Variants in ALDH1A3 observed in about 807,000 individuals in gnomAD.
ALDH1A3 encodes the protein aldehyde dehydrogenase 1 family member A3, also known as retinaldehyde dehydrogenase 3.
Under a neutral mutation model 57.5 loss-of-function variants are expected in ALDH1A3, and 28 were observed. The observed-to-expected ratio is 0.49, with a 90% CI of 0.36 to 0.67. ALDH1A3 has a LOEUF of 0.67. ALDH1A3 is among the 30% of genes least tolerant of loss of function. The pLI is 0.00. For synonymous variants in ALDH1A3, 281 were observed against 264.8 expected, an observed-to-expected ratio of 1.06 and a Z score of -0.59; for missense variants, 507 against 669.4, an observed-to-expected ratio of 0.76 and a Z score of 2.68.
At chr15:100,902,125 C>A (rs934631364) in intron 9 of ALDH1A3, among the ~76,000 whole-genome samples, 2 of 152,236 alleles carry the variant, frequency 1.3e-5, no homozygotes, top group Non-Finnish European at 2.9e-5. Flanking sequence ...AACTGATCCC[C>A]ATACAGAAGA....
intron 1 of ALDH1A3, 86 bp from the exon 2 acceptor site, chr15:100,885,181 A>G: frequency 1.1e-6 from 1 of 932,380 alleles, no homozygotes; most frequent in Non-Finnish European, 1.7e-6. Flanking sequence ...GACAAGATGG[A>G]TAAGACGTCA....
chr15:100,892,971 C>T lies in ALDH1A3; in HGVS notation c.502C>T (p.His168Tyr), dbSNP rs1320921361. The T allele has an allele frequency of 6.2e-7, 1 of 1,614,052 alleles. No individual in the cohort carries two copies. Among genetic ancestry groups the T allele is most frequent in the African/African-American group, 1.3e-5 (1 of 74,938 alleles). The change falls in exon 5 of 13, where the codon CAT becomes TAT. Residue 168 changes from histidine to tyrosine, a missense_variant. Physicochemically the swap from His to Tyr is moderately conservative, Grantham distance 83 (BLOSUM62 2). Transcript: ENST00000329841. ...TGACAACGTCGTGTGCTTCACCAGG[C>T]ATGAGCCCATTGGTGTCTGTGGGGC... is the stretch of plus-strand genomic sequence containing the variant. ...TDDNVVCFTR[H>Y]EPIGVCGAIT... is the part of the protein sequence containing the mutation.
At chr15:100,898,566 C>T (rs2041734849) in intron 8 of ALDH1A3, among the ~76,000 whole-genome samples, 1 of 152,136 alleles carries the variant, frequency 6.6e-6, no homozygotes, top group African/African-American at 2.4e-5. Flanking sequence ...GTGCTGCCCA[C>T]TCCCAGTCAT....
rs539833387 is a variant in ALDH1A3 at position 100,908,273 on chromosome 15, G to A, written c.1392-135G>A. 104 of 695,486 alleles carry A rather than the reference G, an allele frequency of 1.5e-4. 2 individuals carry two copies. In the South Asian group the frequency reaches 1.8e-3, roughly 12 times the overall value. 43.1% of individuals were successfully genotyped at this position (695,486 alleles called of 1,614,324 possible). A position where few individuals can be genotyped will look rare whatever the true frequency, so the allele number is the denominator to read the frequency against. On this transcript the variant is annotated intron_variant, in intron 11 of 12. Transcript: ENST00000329841. ...AGAAGACAAAAGTTGAGAGCACCCT[G>A]TGTTTTCATCAAGGAAGCTTTGGCA...
chr15:100,880,092 G>A (rs2141541878), intron 1 of ALDH1A3, 86 bp downstream of exon 1: 2 of 1,025,222 alleles, frequency 2.0e-6, no homozygotes, highest in African/African-American at 1.7e-5. Flanking sequence ...AGGGAGCAGC[G>A]GGCCGGGGGT....
At chr15:100,904,586 G>T (rs2041803434) in intron 9 of ALDH1A3, among the ~76,000 whole-genome samples, 1 of 152,178 alleles carries the variant, frequency 6.6e-6, no homozygotes, top group Admixed American at 6.5e-5. Flanking sequence ...AGAGGAGGGA[G>T]ACCAGCCACA....
chr15:100,887,839 T>A lies in ALDH1A3; in HGVS notation c.345+127T>A. Reference sequence around the variant, plus strand: ...GTGGTCGTGGGTCTGTTCCATCCTCTGAGACACGGCTCTCTGGCAATACTT... The same window carrying A: ...GTGGTCGTGGGTCTGTTCCATCCTCAGAGACACGGCTCTCTGGCAATACTT... On this transcript the variant is annotated intron_variant, in intron 3 of 12. Coordinates refer to ENST00000329841, the MANE Select transcript of ALDH1A3 (RefSeq NM_000693.4). This position sits in a 1 kb window ranked among gnomAD's most constrained non-coding sequence, Gnocchi z 4.6. 8.6e-7 allele frequency: 1 copy of A among 1,166,700 alleles called. No individual in the cohort carries two copies. Among genetic ancestry groups the A allele is most frequent in the Non-Finnish European group, 1.1e-6 (1 of 873,412 alleles). The allele number at this position is 1,166,700 out of a possible 1,614,324, so 72.3% of individuals were successfully genotyped here.
intron 1 of ALDH1A3, among the ~76,000 whole-genome samples, chr15:100,882,930 G>A (rs1340853536): frequency 6.6e-6 from 1 of 152,126 alleles, no homozygotes; most frequent in Non-Finnish European, 1.5e-5. Context: ...GTGGTATAAA[G>A]TAAAAGATTT....
rs746599799 is a variant in ALDH1A3, at chr15:100,880,054, G to A, written c.99+48G>A. On this transcript the variant is annotated intron_variant, in intron 1 of 12. Transcript: ENST00000329841. ...CCGACGGCCGCGGGCCCCTGCGCTGGGCAGCCAGACTCGGGGCGGCGGGGG... is the reference window on the plus strand; with the variant it reads ...CCGACGGCCGCGGGCCCCTGCGCTGAGCAGCCAGACTCGGGGCGGCGGGGG... The A allele has an allele frequency of 6.7e-6, 9 of 1,340,172 alleles. No homozygotes were observed. In the East Asian group the frequency reaches 2.2e-4, roughly 33 times the overall value. The allele number at this position is 1,340,172 out of a possible 1,614,324, so 83.0% of individuals were successfully genotyped here.
chr15:100,887,118 G>A lies in ALDH1A3; in HGVS notation c.205-454G>A, dbSNP rs1009406181. 2.6e-5 allele frequency among the ~76,000 whole-genome samples: 4 copies of A among 152,212 alleles called. No homozygotes were observed. Among genetic ancestry groups the A allele is most frequent in the African/African-American group, 9.6e-5 (4 of 41,456 alleles). ...TATTTGGCCACTGTAGAAATATTAAGATGTAAAGAAGAAAAAAAATCACTT... is the reference window on the plus strand; with the variant it reads ...TATTTGGCCACTGTAGAAATATTAAAATGTAAAGAAGAAAAAAAATCACTT... On this transcript the variant is annotated intron_variant, in intron 2 of 12. Transcript: ENST00000329841. This position sits in a 1 kb window ranked among gnomAD's most constrained non-coding sequence, Gnocchi z 4.6.
chr15:100,899,116 C>A (rs971694253), intron 8 of ALDH1A3, among the ~76,000 whole-genome samples: 1 of 152,146 alleles, frequency 6.6e-6, no homozygotes, highest in Non-Finnish European at 1.5e-5. Flanking sequence ...TGGCAGCTGG[C>A]TTTCACAATG....
intron 11 of ALDH1A3, among the ~76,000 whole-genome samples, chr15:100,907,721 G>T (rs1340013769): frequency 1.3e-5 from 2 of 152,122 alleles, no homozygotes; most frequent in African/African-American, 4.8e-5. Context: ...GCTCAGAGAG[G>T]TTGAGCAATA....
intron 11 of ALDH1A3, among the ~76,000 whole-genome samples, chr15:100,907,844 C>T (rs375765051): frequency 2.1e-4 from 17 of 81,936 alleles, no homozygotes; most frequent in South Asian, 5.9e-4. Context: ...TTCTTTCTTT[C>T]TTTTTTTTTT....
At chr15:100,898,527 G>A (rs2041734067) in intron 8 of ALDH1A3, among the ~76,000 whole-genome samples, 1 of 152,228 alleles carries the variant, frequency 6.6e-6, no homozygotes, top group Non-Finnish European at 1.5e-5. Flanking sequence ...TTCTCCTCCA[G>A]AGCCCCCTGG....
chr15:100,884,074 G>A (rs1375797260), intron 1 of ALDH1A3, among the ~76,000 whole-genome samples: 2 of 152,220 alleles, frequency 1.3e-5, no homozygotes, highest in East Asian at 1.9e-4. Flanking sequence ...TGAGAGACAT[G>A]CGTGTCAGCC....
rs773436591 is a variant in ALDH1A3, at chr15:100,896,083, G to A, written c.780+37G>A. ...CACAGGGTGCTGGGGAAAGTGAAAG[G>A]GGCGTGTTATTTGACACCCGTGAGC... On this transcript the variant is annotated intron_variant, in intron 7 of 12. Transcript: ENST00000329841. 15 of 1,519,944 alleles carry A rather than the reference G, an allele frequency of 9.9e-6. No individual in the cohort carries two copies. In the Admixed American group the frequency reaches 2.7e-4, roughly 28 times the overall value. The allele number at this position is 1,519,944 out of a possible 1,614,324, so 94.2% of individuals were successfully genotyped here. A position where few individuals can be genotyped will look rare whatever the true frequency, so the allele number is the denominator to read the frequency against.
chr15:100,894,292 A>C lies in ALDH1A3; in HGVS notation c.666+210A>C. 1.8e-6 allele frequency: 1 copy of C among 567,858 alleles called. No homozygotes were observed. The highest frequency in any genetic ancestry group is 3.1e-6 in the Non-Finnish European group (1 of 325,910). 35.2% of individuals were successfully genotyped at this position (567,858 alleles called of 1,614,324 possible). A position where few individuals can be genotyped will look rare whatever the true frequency, so the allele number is the denominator to read the frequency against. On this transcript the variant is annotated intron_variant, in intron 6 of 12. Coordinates refer to ENST00000329841, the MANE Select transcript of ALDH1A3 (RefSeq NM_000693.4). The surrounding 1 kb of genome is among the most constrained non-coding windows in gnomAD (Gnocchi z 4.5). ...AACTCCATTCCTCCCAGTGGTCCTA[A>C]TGAGAATGCTTAACTCTTATTATGG... is the stretch of plus-strand genomic sequence containing the variant.
chr15:100,905,382 G>C (rs1460769267), intron 9 of ALDH1A3, 141 bp from the exon 10 acceptor site: 4 of 1,048,336 alleles, frequency 3.8e-6, no homozygotes, highest in African/African-American at 1.6e-5. Context: ...TGCCTGCAAG[G>C]CTCATTAGTT....
rs762239202 is a variant in ALDH1A3, at chr15:100,889,385, C to CCCTT, written c.345+1684_345+1687dup. The stretch of plus-strand genomic sequence containing the variant: ...TGCATCCACACAGAAACTCGAGCTC[C>CCCTT]CCTTCCTTCCTTCCCAGTCAGCCCG... On this transcript the variant is annotated intron_variant, in intron 3 of 12. Transcript: ENST00000329841. The surrounding 1 kb of genome is among the most constrained non-coding windows in gnomAD (Gnocchi z 5.1). Among the ~76,000 whole-genome samples, 1 of 152,112 alleles carries CCCTT rather than the reference C, an allele frequency of 6.6e-6. No homozygotes were observed. The highest frequency in any genetic ancestry group is 1.5e-5 in the Non-Finnish European group (1 of 68,014).
Sources: allele counts gnomAD v4.1 joint callset (sites outside exome capture counted in the v4.1 genomes callset), GRCh38; gene constraint gnomAD v4.1.1; non-coding constraint Gnocchi (gnomAD v3.1); transcripts MANE v1.5; gene names NCBI Gene and HGNC (gene_info 2026-07-23, HGNC 2026-07-21).